Variants in FAM227B observed in about 807,000 individuals in gnomAD.
FAM227B encodes family with sequence similarity 227 member B.
In FAM227B, 88 loss-of-function variants were observed where a neutral mutation model predicts 73.8. The ratio of observed to expected loss-of-function variants is 1.19; its 90% CI spans 1.00 to 1.42. FAM227B has a LOEUF of 1.42. Ranked by LOEUF, FAM227B falls within the 40% of genes most tolerant of loss-of-function variation. The probability of loss-of-function intolerance (pLI) is 0.00; values close to 1 mark genes in which losing one functional copy is unlikely to be tolerated. For synonymous variants in FAM227B, 210 were observed against 190.5 expected, an observed-to-expected ratio of 1.10 and a Z score of -0.84; for missense variants, 632 against 590.9, an observed-to-expected ratio of 1.07 and a Z score of -0.72.
intron 2 of FAM227B, among the ~76,000 whole-genome samples, chr15:49,612,787 G>GA (rs887371101): frequency 2.0e-5 from 3 of 151,752 alleles, no homozygotes; most frequent in Non-Finnish European, 4.4e-5. Context: ...TCATGTTTTA[G>GA]AAAAAAATGC....
chr15:49,504,815 G>T (rs2058454058), intron 11 of FAM227B, among the ~76,000 whole-genome samples: 1 of 151,998 alleles, frequency 6.6e-6, no homozygotes, highest in Non-Finnish European at 1.5e-5. Flanking sequence ...AAATTACCCA[G>T]GTTCAGATAT....
At chr15:49,606,508 C>T (rs1036173864) in intron 3 of FAM227B, among the ~76,000 whole-genome samples, 10 of 152,222 alleles carry the variant, frequency 6.6e-5, no homozygotes, top group African/African-American at 2.2e-4. Context: ...TTTCATACTA[C>T]TTGGGCTCTA....
intron 11 of FAM227B, among the ~76,000 whole-genome samples, chr15:49,479,601 T>TTTTTTG: frequency 3.8e-5 from 1 of 26,358 alleles, no homozygotes; most frequent in African/African-American, 9.4e-5. Flanking sequence ...ATACCTCTGT[T>TTTTTTG]TTTTTTTTTT....
chr15:49,580,214 T>C (rs1238564056), intron 5 of FAM227B, among the ~76,000 whole-genome samples: 1 of 152,200 alleles, frequency 6.6e-6, no homozygotes, highest in East Asian at 1.9e-4. Flanking sequence ...TGAAAAGTCA[T>C]TTGATAAAAC....
At chr15:49,579,510 A>T (rs2075676889) in intron 5 of FAM227B, among the ~76,000 whole-genome samples, 1 of 152,182 alleles carries the variant, frequency 6.6e-6, no homozygotes, top group Admixed American at 6.5e-5. Flanking sequence ...ATAAAACTGG[A>T]GGTTGTCTGT....
At chr15:49,471,666 T>C (rs2054784692) in intron 11 of FAM227B, among the ~76,000 whole-genome samples, 1 of 152,112 alleles carries the variant, frequency 6.6e-6, no homozygotes, top group African/African-American at 2.4e-5. Context: ...ATGGCGAATC[T>C]GGTCTTTTTG....
intron 9 of FAM227B, among the ~76,000 whole-genome samples, chr15:49,565,658 T>C (rs2074596473): frequency 6.6e-6 from 1 of 152,260 alleles, no homozygotes; most frequent in Admixed American, 6.5e-5. Flanking sequence ...TGGTGCAAAA[T>C]ATATACATGT....
Position 49,615,177 on chromosome 15 carries a change from A to T in FAM227B, c.-6T>A. ...CATGTTCGTTGGCCTGCCATGGTAC[A>T]GTAACTTTGCAGAAATGAAGAGAAA... On this transcript the variant is annotated 5_prime_UTR_variant, in exon 2 of 16. Transcript: ENST00000299338. 1 of 1,614,032 alleles carries T rather than the reference A, an allele frequency of 6.2e-7. No homozygotes were observed. Among genetic ancestry groups the T allele is most frequent in the South Asian group, 1.1e-5 (1 of 91,082 alleles).
intron 15 of FAM227B, chr15:49,329,913 CTCT>C: frequency 8.3e-6 from 2 of 240,436 alleles, no homozygotes; most frequent in Non-Finnish European, 1.3e-5. Flanking sequence ...CCAATGTGCA[CTCT>C]TCTTTGGGGG....
At chr15:49,367,634 A>G (rs1219838858) in intron 12 of FAM227B, 26 bp from the exon 13 acceptor site, 1 of 1,529,482 alleles carries the variant, frequency 6.5e-7, no homozygotes, top group East Asian at 2.5e-5. Context: ...AATAATCAAG[A>G]CAACGATTAC....
At chr15:49,594,315 T>C (rs905176045) in intron 3 of FAM227B, among the ~76,000 whole-genome samples, 1 of 152,176 alleles carries the variant, frequency 6.6e-6, no homozygotes, top group Non-Finnish European at 1.5e-5. Context: ...TTGTAGACTC[T>C]GGATATTAGT....
intron 11 of FAM227B, among the ~76,000 whole-genome samples, chr15:49,459,735 T>C (rs2053626277): frequency 6.6e-6 from 1 of 152,170 alleles, no homozygotes; most frequent in South Asian, 2.1e-4. Context: ...CTATAGTTCA[T>C]GACATAAGCT....
chr15:49,349,852 T>TA (rs1220064373), intron 13 of FAM227B, among the ~76,000 whole-genome samples: 5 of 150,512 alleles, frequency 3.3e-5, no homozygotes, highest in African/African-American at 1.2e-4. Context: ...GCAAAAACGA[T>TA]AAAAAACAAA....
chr15:49,543,438 T>G (rs2071367720), intron 9 of FAM227B, among the ~76,000 whole-genome samples: 1 of 152,164 alleles, frequency 6.6e-6, no homozygotes, highest in South Asian at 2.1e-4. Flanking sequence ...CTTGCAAATG[T>G]TTGCACCGAC....
intron 11 of FAM227B, among the ~76,000 whole-genome samples, chr15:49,411,985 T>C (rs1000378814): frequency 6.6e-6 from 1 of 152,162 alleles, no homozygotes; most frequent in Non-Finnish European, 1.5e-5. Flanking sequence ...TATTCTTTTA[T>C]TGATTCAATT....
chr15:49,448,715 G>A (rs1372190076), intron 11 of FAM227B, among the ~76,000 whole-genome samples: 4 of 151,316 alleles, frequency 2.6e-5, no homozygotes, highest in African/African-American at 9.7e-5. Flanking sequence ...TTTAATACAT[G>A]TGGCTGTCAA....
chr15:49,502,499 C>G (rs2058224284), intron 11 of FAM227B, among the ~76,000 whole-genome samples: 1 of 152,218 alleles, frequency 6.6e-6, no homozygotes, highest in Admixed American at 6.5e-5. Context: ...GCCTTCAGTT[C>G]TTTTCTTTTG....
chr15:49,328,294 A>G lies in FAM227B; in HGVS notation c.*274T>C. On this transcript the variant is annotated 3_prime_UTR_variant, in exon 16 of 16. Coordinates refer to ENST00000299338, the MANE Select transcript of FAM227B (RefSeq NM_152647.3). Reference sequence around the variant, plus strand: ...TGCTATTATATCAAGATATATTTTCAAAGAAATGGTTGAAAGCTCTCTATG... The same window carrying G: ...TGCTATTATATCAAGATATATTTTCGAAGAAATGGTTGAAAGCTCTCTATG... The G allele has an allele frequency of 7.0e-7, 1 of 1,438,648 alleles. No individual in the cohort carries two copies. 89.1% of individuals were successfully genotyped at this position (1,438,648 alleles called of 1,614,324 possible). A position where few individuals can be genotyped will look rare whatever the true frequency, so the allele number is the denominator to read the frequency against.
In FAM227B at chr15:49,479,609, T is replaced by G. The variant is rs901054823; in HGVS notation, c.1012+28602A>C. Among the ~76,000 whole-genome samples the G allele has an allele frequency of 3.2e-4, 42 of 133,322 alleles. 1 individual carries two copies. Among genetic ancestry groups the G allele is most frequent in the African/African-American group, 1.2e-3 (42 of 35,310 alleles). 87.5% of individuals were successfully genotyped at this position (133,322 alleles called of 152,430 possible). The stretch of plus-strand genomic sequence containing the variant: ...ATAGTTAATACCTCTGTTTTTTTTT[T>G]TTTTTTTTTTTTTTTTTTTGTGAAA... On this transcript the variant is annotated intron_variant, in intron 11 of 15. Transcript: ENST00000299338.
Sources: gnomAD v4.1 joint callset for allele counts (sites outside exome capture counted in the v4.1 genomes callset) on GRCh38, gnomAD v4.1.1 for gene constraint, MANE v1.5 for transcripts, NCBI Gene and HGNC (gene_info 2026-07-23, HGNC 2026-07-21) for gene names.